BRCA1: variants seen among roughly 807,000 people sequenced by gnomAD.
BRCA1 encodes the protein breast cancer type 1 susceptibility protein.
In BRCA1, 140 loss-of-function variants were observed where a neutral mutation model predicts 173.7. The observed-to-expected ratio is 0.81, with a 90% CI of 0.70 to 0.93. The LOEUF (loss-of-function observed/expected upper bound fraction) is 0.93, where lower values mean the gene tolerates loss of function less well. Ranked by LOEUF, BRCA1 falls within the 40% of genes least tolerant of loss-of-function variation. The probability of loss-of-function intolerance (pLI) is 0.00; values close to 1 mark genes in which losing one functional copy is unlikely to be tolerated. For synonymous variants in BRCA1, 662 were observed against 756.0 expected (o/e 0.88, Z 2.04); for missense variants, 1,983 against 2,172.5 (o/e 0.91, Z 1.73).
At chr17:43,102,846 G>A (rs954805026) in intron 6 of BRCA1, among the ~76,000 whole-genome samples, 2 of 151,928 alleles carry the variant, frequency 1.3e-5, no homozygotes, top group African/African-American at 4.8e-5. Context: ...ATATAGACAA[G>A]GACTTGCTAT....
intron 16 of BRCA1, among the ~76,000 whole-genome samples, chr17:43,064,839 T>C (rs897813289): frequency 6.7e-6 from 1 of 149,898 alleles, no homozygotes; most frequent in Admixed American, 6.6e-5. Flanking sequence ...TTTTTTTTTT[T>C]TTTTTTTTTG....
chr17:43,111,972 G>A (rs182041501), intron 3 of BRCA1, among the ~76,000 whole-genome samples: 8 of 152,268 alleles, frequency 5.3e-5, no homozygotes, highest in Admixed American at 4.6e-4. Context: ...AAAAGCATGG[G>A]GGTATCGCTC....
intron 12 of BRCA1, among the ~76,000 whole-genome samples, chr17:43,080,853 A>T (rs2052973965): frequency 6.6e-6 from 1 of 152,058 alleles, no homozygotes; most frequent in Admixed American, 6.5e-5. Flanking sequence ...CAGGAGTTCA[A>T]GACCAGCCTA....
intron 3 of BRCA1, among the ~76,000 whole-genome samples, chr17:43,108,948 G>A (rs1297791664): frequency 6.6e-6 from 1 of 151,962 alleles, no homozygotes; most frequent in African/African-American, 2.4e-5. Context: ...AACTGAGATC[G>A]CGCCATTGCA....
rs876658975 is a variant in BRCA1, at chr17:43,092,350, T to G, written c.3181A>C (p.Ile1061Leu). ...TNEVGSSINE[I>L]GSSDENIQAE... is the part of the protein sequence containing the mutation. Reference sequence around the variant, plus strand: ...TGAATGTTTTCATCACTGGAACCTATTTCATTAATACTGGAGCCCACTTCA... The same window carrying G: ...TGAATGTTTTCATCACTGGAACCTAGTTCATTAATACTGGAGCCCACTTCA... The change falls in exon 10 of 23, where the codon ATA becomes CTA. Residue 1061 changes from isoleucine (I) to leucine (L), a missense_variant. Ile to Leu is a conservative substitution (Grantham distance 5). Transcript: ENST00000357654. 6.2e-7 allele frequency: 1 copy of G among 1,613,956 alleles called. No individual in the cohort carries two copies. Among genetic ancestry groups the G allele is most frequent in the Non-Finnish European group, 8.5e-7 (1 of 1,179,994 alleles).
intron 20 of BRCA1, among the ~76,000 whole-genome samples, chr17:43,050,490 G>A (rs928679423): frequency 1.3e-5 from 2 of 151,814 alleles, no homozygotes; most frequent in African/African-American, 2.4e-5. Flanking sequence ...GCACACGCCT[G>A]TAGTCTCAGC....
At chr17:43,124,981 T>C in intron 1 of BRCA1, 1 of 367,256 alleles carries the variant, frequency 2.7e-6, no homozygotes, top group Non-Finnish European at 5.5e-6. Flanking sequence ...CCTGACCTCA[T>C]GACCAGCCGA....
chr17:43,136,082 C>A (rs1196034569), intron 1 of BRCA1, among the ~76,000 whole-genome samples: 3 of 152,194 alleles, frequency 2.0e-5, no homozygotes, highest in Non-Finnish European at 4.4e-5. Flanking sequence ...CACTTGAGAA[C>A]AGGAGTTCAA....
chr17:43,049,290 G>T, intron 20 of BRCA1, 96 bp from the exon 21 acceptor site: 1 of 1,079,244 alleles, frequency 9.3e-7, no homozygotes. Context: ...CTTATAGCAA[G>T]ACCTCTCAAT....
Position 43,088,733 on chromosome 17 carries a change from G to A in BRCA1, c.4185+2211C>T, listed in dbSNP as rs8176165. On this transcript the variant is annotated intron_variant, in intron 11 of 22. Coordinates refer to ENST00000357654, the MANE Select transcript of BRCA1 (RefSeq NM_007294.4). ...AAAAGAAGCCACAGCAGGATGAATCGAGGGGGTCTGAACAGCTTCATTTTA... is the reference window on the plus strand; with the variant it reads ...AAAAGAAGCCACAGCAGGATGAATCAAGGGGGTCTGAACAGCTTCATTTTA... Among the ~76,000 whole-genome samples, 2,139 of 152,270 alleles carry A rather than the reference G, an allele frequency of 0.014. 54 individuals carry two copies. The highest frequency in any genetic ancestry group is 0.048 in the African/African-American group (2,004 of 41,552).
chr17:43,127,339 T>G (rs2055916065), upstream of BRCA1, among the ~76,000 whole-genome samples: 1 of 152,174 alleles, frequency 6.6e-6, no homozygotes. Context: ...TGTGTCTAGC[T>G]TGGGGTTTGG....
intron 1 of BRCA1, among the ~76,000 whole-genome samples, chr17:43,136,584 A>G (rs942616845): frequency 6.6e-6 from 1 of 152,254 alleles, no homozygotes; most frequent in Non-Finnish European, 1.5e-5. Context: ...AAACAAATTT[A>G]CAATAAAAAA....
intron 18 of BRCA1, among the ~76,000 whole-genome samples, chr17:43,062,490 T>G: frequency 6.6e-6 from 1 of 152,238 alleles, no homozygotes; most frequent in East Asian, 1.9e-4. Flanking sequence ...TATGAATCTT[T>G]TCTTTCCTTT....
In BRCA1 at chr17:43,063,431, G is replaced by A. The variant is rs988193234; in HGVS notation, c.5153-58C>T. ...CAGCAGAAGAACGTGCTCTTTTCACGGAGATAGAGAGGTCAGCGATTCACA... is the reference window on the plus strand; with the variant it reads ...CAGCAGAAGAACGTGCTCTTTTCACAGAGATAGAGAGGTCAGCGATTCACA... On this transcript the variant is annotated intron_variant, in intron 17 of 22. Transcript: ENST00000357654. 6.9e-5 allele frequency: 98 copies of A among 1,429,006 alleles called. No homozygotes were observed. In the Admixed American group the frequency reaches 1.4e-3, roughly 21 times the overall value. The allele number at this position is 1,429,006 out of a possible 1,614,324, so 88.5% of individuals were successfully genotyped here.
rs587781641 is a variant in BRCA1 at position 43,092,626 on chromosome 17, T to C, written c.2905A>G (p.Asn969Asp). The change falls in exon 10 of 23, where the codon AAT (asparagine) becomes GAT (aspartate). Residue 969 changes from asparagine to aspartate, a missense_variant. Physicochemically the swap from Asn to Asp is conservative, Grantham distance 23. Coordinates refer to ENST00000357654, the MANE Select transcript of BRCA1 (RefSeq NM_007294.4). The stretch of plus-strand genomic sequence containing the variant: ...GGGTTTTGTAAAAGTCCATGTTTAT[T>C]TGGAGTAATGAGTCCAGTTTCGTTG... Reference protein sequence around the residue: ...RGNETGLITPNKHGLLQNPYR... With the variant: ...RGNETGLITPDKHGLLQNPYR... 3 of 1,614,094 alleles carry C rather than the reference T, an allele frequency of 1.9e-6. No individual in the cohort carries two copies. Among genetic ancestry groups the C allele is most frequent in the Non-Finnish European group, 2.5e-6 (3 of 1,179,996 alleles).
intron 1 of BRCA1, among the ~76,000 whole-genome samples, chr17:43,131,743 CTTT>C: frequency 6.6e-6 from 1 of 151,834 alleles, no homozygotes; most frequent in Non-Finnish European, 1.5e-5. Context: ...AGGATATCAG[CTTT>C]TTATTTTCTT....
chr17:43,114,758 A>G (rs2055186966), intron 3 of BRCA1, among the ~76,000 whole-genome samples: 1 of 152,112 alleles, frequency 6.6e-6, no homozygotes, highest in Admixed American at 6.6e-5. Context: ...CAGGTTATGT[A>G]CCAGGTACAT....
At chr17:43,072,848 G>A (rs1021637221) in intron 14 of BRCA1, among the ~76,000 whole-genome samples, 1 of 150,716 alleles carries the variant, frequency 6.6e-6, no homozygotes, top group African/African-American at 2.4e-5. Flanking sequence ...ACAGGCGTAA[G>A]CCACCCACCA....
chr17:43,143,706 A>G (rs2056096188), intron 1 of BRCA1, among the ~76,000 whole-genome samples: 1 of 152,110 alleles, frequency 6.6e-6, no homozygotes, highest in African/African-American at 2.4e-5. Flanking sequence ...TGCTGCCGTT[A>G]TGGAACAGTG....
Sources: gnomAD v4.1 joint callset for allele counts (sites outside exome capture counted in the v4.1 genomes callset) on GRCh38, gnomAD v4.1.1 for gene constraint, MANE v1.5 for transcripts, NCBI Gene and HGNC (gene_info 2026-07-23, HGNC 2026-07-21) for gene names.